Variants in GDPD1 observed in about 807,000 individuals in gnomAD.
GDPD1 encodes the protein glycerophosphodiester phosphodiesterase domain containing 1.
A neutral mutation model predicts 45.1 loss-of-function variants in GDPD1; 28 were observed. The ratio of observed to expected loss-of-function variants is 0.62; its 90% CI spans 0.46 to 0.85. GDPD1 has a LOEUF of 0.85. GDPD1 is among the 40% of genes least tolerant of loss of function. The pLI is 0.00. For synonymous variants in GDPD1, 139 were observed against 131.4 expected (o/e 1.06, Z -0.40); for missense variants, 256 against 364.8 (o/e 0.70, Z 2.43).
At chr17:59,246,475 C>T (rs1027075091) in intron 3 of GDPD1, among the ~76,000 whole-genome samples, 3 of 151,404 alleles carry the variant, frequency 2.0e-5, no homozygotes, top group South Asian at 2.1e-4. Context: ...AAAAATTAGC[C>T]GGGCAGACAG....
chr17:59,266,900 T>C lies in GDPD1; in HGVS notation c.577-141T>C. On this transcript the variant is annotated intron_variant, in intron 6 of 9. Coordinates refer to ENST00000284116, the MANE Select transcript of GDPD1 (RefSeq NM_182569.4). ...TAGCCACTATTAAGTGTGGTGTTAT[T>C]TGCAAATGAATATTCATAATCCCAG... 3 of 694,778 alleles carry C rather than the reference T, an allele frequency of 4.3e-6. No homozygotes were observed. The South Asian group carries it at 5.7e-5, about 13-fold the overall frequency. 43.0% of individuals were successfully genotyped at this position (694,778 alleles called of 1,614,324 possible). A position where few individuals can be genotyped will look rare whatever the true frequency, so the allele number is the denominator to read the frequency against.
intron 2 of GDPD1, among the ~76,000 whole-genome samples, chr17:59,240,252 C>T (rs1449210906): frequency 1.3e-5 from 2 of 151,398 alleles, no homozygotes; most frequent in Non-Finnish European, 1.5e-5. Flanking sequence ...GATCATGCCA[C>T]TGCACTCCAG....
Position 59,260,060 on chromosome 17 carries a change from CAAAAAAAAAAAAAAAAAAAA to C in GDPD1, c.576+2241_576+2260del, listed in dbSNP as rs56936442. On this transcript the variant is annotated intron_variant, in intron 6 of 9. Transcript: ENST00000284116. The stretch of plus-strand genomic sequence containing the variant: ...TGGGTGACGGAGCCAGACCCTGTCT[CAAAAAAAAAAAAAAAAAAAA>C]AAAAAAAAAAAAAAAAAAAATCCTA... Among the ~76,000 whole-genome samples, 63 of 25,850 alleles carry C rather than the reference CAAAAAAAAAAAAAAAAAAAA, an allele frequency of 2.4e-3. 2 individuals are homozygous for C. The highest frequency in any genetic ancestry group is 0.024 in the East Asian group (16 of 674). The allele number at this position is 25,850 out of a possible 152,430, so 17.0% of individuals were successfully genotyped here.
At chr17:59,261,913 CT>C (rs58058526) in intron 6 of GDPD1, among the ~76,000 whole-genome samples, 37 of 79,334 alleles carry the variant, frequency 4.7e-4, no homozygotes, top group East Asian at 1.3e-3. Flanking sequence ...AGATTACAGG[CT>C]TTTTTTTTTT....
chr17:59,268,763 G>A (rs1351719712), intron 7 of GDPD1, among the ~76,000 whole-genome samples: 3 of 151,970 alleles, frequency 2.0e-5, no homozygotes. Flanking sequence ...AGAAAAGCAG[G>A]CCAGGTGCAG....
intron 1 of GDPD1, among the ~76,000 whole-genome samples, chr17:59,226,628 A>G (rs1473793116): frequency 6.6e-6 from 1 of 152,218 alleles, no homozygotes; most frequent in East Asian, 1.9e-4. Flanking sequence ...TATTGTATAT[A>G]AAACATTTTA....
intron 6 of GDPD1, among the ~76,000 whole-genome samples, chr17:59,264,811 G>A (rs1374432290): frequency 2.0e-5 from 3 of 151,880 alleles, no homozygotes; most frequent in Non-Finnish European, 4.4e-5. Flanking sequence ...AAAAATAAAG[G>A]AGTAGATAAT....
At chr17:59,261,670 A>AT (rs1244099053) in intron 6 of GDPD1, among the ~76,000 whole-genome samples, 32 of 148,078 alleles carry the variant, frequency 2.2e-4, no homozygotes, top group African/African-American at 5.2e-4. Context: ...AAATTTTTTG[A>AT]TTTTTTTTTG....
intron 6 of GDPD1, among the ~76,000 whole-genome samples, chr17:59,264,346 T>C (rs1338205843): frequency 6.6e-6 from 1 of 151,342 alleles, no homozygotes; most frequent in Non-Finnish European, 1.5e-5. Context: ...CACACTGGGG[T>C]GCAGTGGCAC....
At position 59,248,696 on chromosome 17, in the gene GDPD1, A is replaced by G. The variant is rs545944093; in HGVS notation, c.322-44A>G. ...TAATGTAACACATAAAAATCTTATT[A>G]TTTTTTGAGAGTTAACTTTTTTTTC... On this transcript the variant is annotated intron_variant, in intron 3 of 9. Coordinates refer to ENST00000284116, the MANE Select transcript of GDPD1 (RefSeq NM_182569.4). 27 of 1,379,208 alleles carry G rather than the reference A, an allele frequency of 2.0e-5. No individual in the cohort carries two copies. In the South Asian group the frequency reaches 2.9e-4, roughly 15 times the overall value. 85.4% of individuals were successfully genotyped at this position (1,379,208 alleles called of 1,614,324 possible).
chr17:59,267,021 A>G lies in GDPD1; in HGVS notation c.577-20A>G. On this transcript the variant is annotated intron_variant, in intron 6 of 9. Coordinates refer to ENST00000284116, the MANE Select transcript of GDPD1 (RefSeq NM_182569.4). ...TGAGCAGTTGTAAAAATAACATGTAATATTGCTTGTGTCTTTTAGAATTCA... is the reference window on the plus strand; with the variant it reads ...TGAGCAGTTGTAAAAATAACATGTAGTATTGCTTGTGTCTTTTAGAATTCA... 6.3e-7 allele frequency: 1 copy of G among 1,588,326 alleles called. No homozygotes were observed. Among genetic ancestry groups the G allele is most frequent in the Non-Finnish European group, 8.6e-7 (1 of 1,160,310 alleles).
At chr17:59,256,841 A>T (rs1342789055) in intron 4 of GDPD1, among the ~76,000 whole-genome samples, 1 of 152,200 alleles carries the variant, frequency 6.6e-6, no homozygotes, top group African/African-American at 2.4e-5. Context: ...ACAGTAAATC[A>T]ACAGGAAAAT....
intron 2 of GDPD1, among the ~76,000 whole-genome samples, chr17:59,244,364 G>A (rs1376010914): frequency 6.6e-6 from 1 of 152,080 alleles, no homozygotes; most frequent in Non-Finnish European, 1.5e-5. Context: ...TCCTAGAAGA[G>A]CATTTTGTAT....
rs1315395157 is a variant in GDPD1, at chr17:59,255,759, AAAAATAT to A, written c.368-1361_368-1355del. Among the ~76,000 whole-genome samples the A allele has an allele frequency of 7.5e-4, 61 of 81,616 alleles. 1 individual carries two copies. Among genetic ancestry groups the A allele is most frequent in the Non-Finnish European group, 1.1e-3 (49 of 46,512 alleles). 53.5% of individuals were successfully genotyped at this position (81,616 alleles called of 152,430 possible). A position where few individuals can be genotyped will look rare whatever the true frequency, so the allele number is the denominator to read the frequency against. ...ACTCCGTCTCAAAAAAAAAAAAAAA[AAAAATAT>A]ATATATATATATATATATACGCGTA... On this transcript the variant is annotated intron_variant, in intron 4 of 9. Transcript: ENST00000284116.
At position 59,253,760 on chromosome 17, in the gene GDPD1, A is replaced by C. The variant is rs182413879; in HGVS notation, c.368-3362A>C. Among the ~76,000 whole-genome samples, 4 of 152,166 alleles carry C rather than the reference A, an allele frequency of 2.6e-5. No homozygotes were observed. The East Asian group carries it at 7.7e-4, about 29-fold the overall frequency. ...AGCTTCAAGCGTGAAGTCCCGGAGA[A>C]AGACACTGATTGGCCCAGCTTGGGT... On this transcript the variant is annotated intron_variant, in intron 4 of 9. Transcript: ENST00000284116.
intron 6 of GDPD1, among the ~76,000 whole-genome samples, chr17:59,262,046 T>C (rs966012659): frequency 4.1e-5 from 6 of 146,948 alleles, no homozygotes; most frequent in South Asian, 2.2e-4. Flanking sequence ...GCCTCCCAAG[T>C]AGCTGGGACT....
intron 1 of GDPD1, among the ~76,000 whole-genome samples, chr17:59,229,862 A>G (rs143774482): frequency 2.2e-4 from 34 of 152,270 alleles, no homozygotes; most frequent in Admixed American, 9.2e-4. Flanking sequence ...GTGCCCACAA[A>G]GGGTAATAAA....
intron 6 of GDPD1, among the ~76,000 whole-genome samples, chr17:59,265,093 G>A (rs1383879653): frequency 6.6e-6 from 1 of 152,048 alleles, no homozygotes; most frequent in Admixed American, 6.6e-5. Flanking sequence ...CACCCGCCTT[G>A]GCCTCCCAAA....
At chr17:59,247,603 G>A (rs2047221831) in intron 3 of GDPD1, among the ~76,000 whole-genome samples, 1 of 151,828 alleles carries the variant, frequency 6.6e-6, no homozygotes, top group South Asian at 2.1e-4. Context: ...TTAGTTCTAA[G>A]TTTTCACCAT....
Sources: allele counts gnomAD v4.1 joint callset (sites outside exome capture counted in the v4.1 genomes callset), GRCh38; gene constraint gnomAD v4.1.1; transcripts MANE v1.5; gene names NCBI Gene and HGNC (gene_info 2026-07-23, HGNC 2026-07-21).